The following ALG13 variants were observed in gnomAD, a reference collection of about 807,000 sequenced individuals.
The protein encoded by ALG13 is UDP-N-acetylglucosamine transferase subunit ALG13.
In ALG13, 11 loss-of-function variants were observed where a neutral mutation model predicts 87.8. That is an observed-to-expected ratio of 0.13 (90% CI 0.08 to 0.21). The LOEUF is 0.21. Ranked by LOEUF, ALG13 falls within the 10% of genes least tolerant of loss-of-function variation. The pLI is 1.00. For synonymous variants in ALG13, 320 were observed against 306.3 expected, an observed-to-expected ratio of 1.04 and a Z score of -0.47; for missense variants, 756 against 866.1, an observed-to-expected ratio of 0.87 and a Z score of 1.60.
chrX:111,735,164 C>T (rs1473958997), intron 22 of ALG13, 42 bp downstream of exon 22: 1 of 869,100 alleles, frequency 1.2e-6, no homozygotes, highest in Non-Finnish European at 1.7e-6. Flanking sequence ...ATGGCCTGAA[C>T]ACAGAAAAAT....
intron 3 of ALG13, among the ~76,000 whole-genome samples, chrX:111,701,492 A>G (rs1037126761): frequency 2.7e-4 from 30 of 111,771 alleles, no homozygotes; most frequent in Non-Finnish European, 1.9e-4. Context: ...TTGGCGTATA[A>G]TTGTTTATAG....
chrX:111,713,699 C>T (rs1056761103), intron 8 of ALG13, among the ~76,000 whole-genome samples: 9 of 111,985 alleles, frequency 8.0e-5, no homozygotes, highest in African/African-American at 2.6e-4. Flanking sequence ...CCCAATGCCC[C>T]TGGAGTCATT....
At chrX:111,700,566 T>G (rs1004407369) in intron 3 of ALG13, among the ~76,000 whole-genome samples, 4 of 100,264 alleles carry the variant, frequency 4.0e-5, no homozygotes, top group Non-Finnish European at 6.1e-5. Flanking sequence ...TTGAGAGGTG[T>G]TTTTTTTTGT....
At chrX:111,732,967 T>C (rs778352569) in intron 21 of ALG13, among the ~76,000 whole-genome samples, 1 of 111,519 alleles carries the variant, frequency 9.0e-6, no homozygotes, top group Admixed American at 9.5e-5. Context: ...ACTTGTCACA[T>C]GTTCCTTTTT....
chrX:111,699,968 T>C (rs1937506547), intron 3 of ALG13, among the ~76,000 whole-genome samples: 1 of 109,917 alleles, frequency 9.1e-6, no homozygotes, highest in Non-Finnish European at 1.9e-5. Context: ...TGGATCACTT[T>C]GGTAGTGTGG....
At chrX:111,694,202 C>T (rs1779811456) in intron 3 of ALG13, among the ~76,000 whole-genome samples, 1 of 109,782 alleles carries the variant, frequency 9.1e-6, no homozygotes, top group Non-Finnish European at 1.9e-5. Flanking sequence ...CACCACCATG[C>T]CCAGCTAATT....
intron 3 of ALG13, among the ~76,000 whole-genome samples, chrX:111,701,643 C>T (rs904961148): frequency 1.4e-4 from 16 of 111,221 alleles, no homozygotes; most frequent in African/African-American, 4.2e-4. Context: ...CTCTTAGTTT[C>T]GTTTATTATT....
chrX:111,693,879 G>A (rs1241383652), intron 3 of ALG13, among the ~76,000 whole-genome samples: 9 of 110,342 alleles, frequency 8.2e-5, no homozygotes, highest in Admixed American at 6.8e-4. Flanking sequence ...TCATGGCCCC[G>A]GGTTAAGAAT....
At chrX:111,748,219 A>AT (rs984445413) in intron 24 of ALG13, among the ~76,000 whole-genome samples, 1 of 111,774 alleles carries the variant, frequency 8.9e-6, no homozygotes, top group Non-Finnish European at 1.9e-5. Context: ...TTTTGCAAGT[A>AT]TTTTTTCCAA....
At chrX:111,704,597 T>C (rs1034527352) in intron 3 of ALG13, among the ~76,000 whole-genome samples, 9 of 111,794 alleles carry the variant, frequency 8.1e-5, no homozygotes, top group African/African-American at 2.3e-4. Context: ...CCACATACTT[T>C]ATGATCCCAT....
intron 15 of ALG13, among the ~76,000 whole-genome samples, chrX:111,726,513 T>C (rs1942062981): frequency 9.2e-6 from 1 of 108,790 alleles, no homozygotes; most frequent in East Asian, 3.0e-4. Context: ...ATTACAGGCG[T>C]GAGCCACCGT....
chrX:111,747,476 G>T (rs1944347250), intron 24 of ALG13, among the ~76,000 whole-genome samples: 1 of 111,711 alleles, frequency 9.0e-6, no homozygotes, highest in Non-Finnish European at 1.9e-5. Context: ...ACATCCATAT[G>T]CAAGTTTTTT....
chrX:111,687,614 T>C (rs1935297261), intron 3 of ALG13, among the ~76,000 whole-genome samples: 1 of 112,499 alleles, frequency 8.9e-6, no homozygotes, highest in Non-Finnish European at 1.9e-5. Flanking sequence ...CAAAGCCATG[T>C]GAAGACATTT....
chrX:111,732,448 C>T (rs1453516369), intron 21 of ALG13, among the ~76,000 whole-genome samples: 1 of 112,199 alleles, frequency 8.9e-6, no homozygotes. Context: ...CAGACTATGA[C>T]TGTTCTTCAT....
intron 15 of ALG13, among the ~76,000 whole-genome samples, chrX:111,725,727 C>T (rs886996169): frequency 2.7e-5 from 3 of 111,294 alleles, no homozygotes; most frequent in Non-Finnish European, 3.8e-5. Flanking sequence ...CCCATAAATA[C>T]GTACTGTTCT....
At chrX:111,747,260 A>AT (rs764209944) in intron 24 of ALG13, among the ~76,000 whole-genome samples, 3 of 111,874 alleles carry the variant, frequency 2.7e-5, no homozygotes, top group South Asian at 3.7e-4. Context: ...TCAATCACTG[A>AT]TTTTTTACTG....
intron 21 of ALG13, among the ~76,000 whole-genome samples, chrX:111,734,171 C>A (rs1943008516): frequency 8.9e-6 from 1 of 112,082 alleles, no homozygotes; most frequent in South Asian, 3.7e-4. Context: ...TTAATTAAGT[C>A]CCATCTATTT....
At chrX:111,721,552 A>G in intron 11 of ALG13, 51 bp from the exon 12 acceptor site, 1 of 685,674 alleles carries the variant, frequency 1.5e-6, no homozygotes, top group South Asian at 2.5e-5. Flanking sequence ...CCTTCTTCAT[A>G]GAAGGAAGAC....
Position 111,723,829 on chromosome X carries a change from A to G in ALG13, c.1532A>G (p.Asn511Ser). The G allele has an allele frequency of 2.5e-6, 3 of 1,186,289 alleles. No homozygotes were observed. Among genetic ancestry groups the G allele is most frequent in the Non-Finnish European group, 3.4e-6 (3 of 881,381 alleles). ...TTGGAATCAGAAGGAAGATATTATA[A>G]TGCTCATATCCAGGAAGTTGGAAAT... is the stretch of plus-strand genomic sequence containing the variant. Reference protein sequence around the residue: ...VCLESEGRYYNAHIQEVGNEN... With the variant: ...VCLESEGRYYSAHIQEVGNEN... Residue 511 changes from asparagine to serine, a missense_variant, in exon 14 of 27, where the codon AAT becomes AGT. Asn to Ser is a conservative substitution (Grantham distance 46, BLOSUM62 1). Coordinates refer to ENST00000394780, the MANE Select transcript of ALG13 (RefSeq NM_001099922.3).
Sources: allele counts gnomAD v4.1 joint callset (sites outside exome capture counted in the v4.1 genomes callset), GRCh38; gene constraint gnomAD v4.1.1; transcripts MANE v1.5; gene names NCBI Gene and HGNC (gene_info 2026-07-23, HGNC 2026-07-21).